SUN1: variants seen among roughly 807,000 people sequenced by gnomAD.
SUN1 encodes SUN domain-containing protein 1.
SUN1 carries 61 observed loss-of-function variants against 103.2 expected under a neutral mutation model. That is an observed-to-expected ratio of 0.59 (90% CI 0.48 to 0.73). The LOEUF (loss-of-function observed/expected upper bound fraction) is 0.73, where lower values mean the gene tolerates loss of function less well. Among genes scored for constraint, SUN1 ranks in the 30% least tolerant of loss-of-function variants. The pLI is 0.00. For missense variants in SUN1, 1,052 were observed against 1,034.6 expected, an observed-to-expected ratio of 1.02 and a Z score of -0.23; for synonymous variants, 490 against 425.7, an observed-to-expected ratio of 1.15 and a Z score of -1.86.
In SUN1 at chr7:874,871, G is replaced by A. The variant is rs1843475720; in HGVS notation, c.*1540G>A. On this transcript the variant is annotated 3_prime_UTR_variant, in exon 19 of 19. Coordinates refer to ENST00000401592, the MANE Select transcript of SUN1 (RefSeq NM_001130965.3). ...CAAATTGATAAGATGCTATTAAGAG[G>A]TTTAAATAAAGAGTTTTAATTTTTA... is the stretch of plus-strand genomic sequence containing the variant. 1 of 152,208 alleles carries A rather than the reference G, an allele frequency of 6.6e-6. No individual in the cohort carries two copies. Among genetic ancestry groups the A allele is most frequent in the African/African-American group, 2.4e-5 (1 of 41,452 alleles). The allele number at this position is 152,208 out of a possible 1,614,324, so 9.4% of individuals were successfully genotyped here.
chr7:864,189 G>A (rs1309460917), intron 15 of SUN1, among the ~76,000 whole-genome samples: 1 of 152,080 alleles, frequency 6.6e-6, no homozygotes, highest in African/African-American at 2.4e-5. Context: ...ATGAAAAATG[G>A]GGTACCCATC....
intron 16 of SUN1, among the ~76,000 whole-genome samples, chr7:867,987 G>C (rs1838380633): frequency 6.6e-6 from 1 of 152,242 alleles, no homozygotes; most frequent in Non-Finnish European, 1.5e-5. Flanking sequence ...GAGCTGGCAA[G>C]GGCTAGGCTT....
upstream of SUN1, chr7:831,020 C>T (rs533749427): frequency 1.9e-5 from 19 of 985,464 alleles, no homozygotes; most frequent in East Asian, 1.1e-4. Context: ...TGTCCTGTGC[C>T]GGGCTCCTCT....
In SUN1 at chr7:852,636, A is replaced by G. The variant is rs367784121; in HGVS notation, c.879A>G (p.Leu293=). The change falls in exon 8 of 19, where the codon TTA becomes TTG. Residue 293 remains leucine, a synonymous_variant. Coordinates refer to ENST00000401592, the MANE Select transcript of SUN1 (RefSeq NM_001130965.3). The stretch of plus-strand genomic sequence containing the variant: ...GCCTTCGAAACATCTGCAAGTTTTT[A>G]GTCTTGCTCATCCCACTCTTCCTTT... The part of the protein sequence containing the change: ...TRCLRNICKF[L]VLLIPLFLLL... The G allele has an allele frequency of 9.3e-6, 15 of 1,614,078 alleles. No homozygotes were observed. The highest frequency in any genetic ancestry group is 1.3e-5 in the Non-Finnish European group (15 of 1,180,046).
At chr7:827,705 A>T (rs1250458052), upstream of SUN1, among the ~76,000 whole-genome samples, 1 of 150,952 alleles carries the variant, frequency 6.6e-6, no homozygotes, top group Non-Finnish European at 1.5e-5. Flanking sequence ...TGACCTTGTG[A>T]TCCTCCCACC....
Position 852,857 on chromosome 7 carries a change from G to T in SUN1, c.958G>T (p.Val320Leu), listed in dbSNP as rs555876242. The change falls in exon 9 of 19, where the codon GTG (valine) becomes TTG (leucine). Residue 320 changes from valine (V) to leucine (L), a missense_variant. Val to Leu is a conservative substitution (Grantham distance 32). This residue lies in a region of SUN1 where 846 missense variants were observed against 774.5 expected (regional missense o/e 1.09). Transcript: ENST00000401592. The stretch of plus-strand genomic sequence containing the variant: ...GGGCAATTTCTTTTCGTTCTTGCCC[G>T]TGTTGAACTGGGCAAGCATGCATAG... Reference protein sequence around the residue: ...GQGNFFSFLPVLNWASMHRTQ... With the variant: ...GQGNFFSFLPLLNWASMHRTQ... 2 of 1,613,978 alleles carry T rather than the reference G, an allele frequency of 1.2e-6. No homozygotes were observed. The highest frequency in any genetic ancestry group is 1.1e-5 in the South Asian group (1 of 91,068).
rs202032136 is a variant in SUN1 at position 832,576 on chromosome 7, A to C, written c.52A>C (p.Asn18His). The C allele has an allele frequency of 6.2e-7, 1 of 1,612,666 alleles. No individual in the cohort carries two copies. Among genetic ancestry groups the C allele is most frequent in the African/African-American group, 1.3e-5 (1 of 75,006 alleles). Residue 18 changes from asparagine (N) to histidine (H), a missense_variant, in exon 1 of 19, where the codon AAC (asparagine) becomes CAC (histidine). Asn to His is a moderately conservative substitution (Grantham distance 68). Transcript: ENST00000401592. Reference sequence around the variant, plus strand: ...CAGTCCTCCCCAGTGTGTGCCGGAGAACACGGGCTACACGTATGCGCTCAG... The same window carrying C: ...CAGTCCTCCCCAGTGTGTGCCGGAGCACACGGGCTACACGTATGCGCTCAG... ...MYSPPQCVPE[N>H]TGYTYALSSS... is the part of the protein sequence containing the mutation.
At chr7:860,823 T>C (rs1333780585) in intron 14 of SUN1, among the ~76,000 whole-genome samples, 2 of 152,156 alleles carry the variant, frequency 1.3e-5, no homozygotes, top group Non-Finnish European at 2.9e-5. Flanking sequence ...CAAAGTCGTG[T>C]CTTATATGGC....
chr7:862,189 G>A (rs910472393), intron 15 of SUN1, among the ~76,000 whole-genome samples: 1 of 152,230 alleles, frequency 6.6e-6, no homozygotes, highest in Non-Finnish European at 1.5e-5. Context: ...TTTTTTAAAT[G>A]TAGGATTTGC....
chr7:861,544 C>T (rs926709555), intron 15 of SUN1, 80 bp downstream of exon 15: 35 of 1,403,096 alleles, frequency 2.5e-5, no homozygotes, highest in Non-Finnish European at 3.4e-5. Context: ...CTGTTGCCTA[C>T]CCCACTTCCA....
upstream of SUN1, among the ~76,000 whole-genome samples, chr7:830,302 G>A (rs1015683440): frequency 2.0e-5 from 3 of 152,200 alleles, no homozygotes; most frequent in African/African-American, 4.8e-5. Context: ...CCTGGGCTTC[G>A]GCGCTTGTCA....
At chr7:833,820 C>G (rs1460178616) in intron 1 of SUN1, among the ~76,000 whole-genome samples, 2 of 152,208 alleles carry the variant, frequency 1.3e-5, no homozygotes, top group African/African-American at 2.4e-5. Flanking sequence ...AACGGGCAGG[C>G]CAGCTCAGGG....
At chr7:837,688 C>T (rs1014182494) in intron 1 of SUN1, among the ~76,000 whole-genome samples, 2 of 152,252 alleles carry the variant, frequency 1.3e-5, no homozygotes, top group African/African-American at 2.4e-5. Flanking sequence ...TGCTTTAATA[C>T]GATAGCCTAC....
intron 1 of SUN1, among the ~76,000 whole-genome samples, chr7:825,089 T>G (rs976007859): frequency 5.9e-5 from 9 of 152,106 alleles, no homozygotes; most frequent in Admixed American, 2.6e-4. Context: ...GGCGGAGTCT[T>G]GCTCGGTCAC....
At chr7:832,375 C>T (rs766306198), upstream of SUN1, 29 of 764,592 alleles carry the variant, frequency 3.8e-5, no homozygotes, top group East Asian at 8.1e-5. Flanking sequence ...TGCTGCTGGC[C>T]GTGTTTCCTG....
intron 10 of SUN1, 56 bp from the exon 11 acceptor site, chr7:854,864 C>G (rs1247925951): frequency 7.2e-7 from 1 of 1,384,246 alleles, no homozygotes; most frequent in Non-Finnish European, 1.0e-6. Context: ...CCTGATTTGC[C>G]AGGTTTTTGT....
rs76580529 is a variant in SUN1 at position 842,327 on chromosome 7, A to T, written c.451+197A>T. ...AGTTAGGTTCCAGGCTTGTCCTCAGACTTGATCAGGACGCTCCTTGGAAGC... is the reference window on the plus strand; with the variant it reads ...AGTTAGGTTCCAGGCTTGTCCTCAGTCTTGATCAGGACGCTCCTTGGAAGC... On this transcript the variant is annotated intron_variant, in intron 3 of 18. Transcript: ENST00000401592. Among the ~76,000 whole-genome samples the T allele has an allele frequency of 7.4e-3, 1,133 of 152,206 alleles. 48 individuals carry two copies. In the East Asian group the frequency reaches 0.13, roughly 18 times the overall value.
Position 852,803 on chromosome 7 carries a change from C to G in SUN1, c.911-7C>G. ...CCTGTGTGTGTGTGGTGGCTCTTCT[C>G]TTTTAGCAGGTCTCTCCTTACGGGG... On this transcript the variant is annotated splice_region_variant and splice_polypyrimidine_tract_variant and intron_variant, in intron 8 of 18. Transcript: ENST00000401592. 1 of 1,611,310 alleles carries G rather than the reference C, an allele frequency of 6.2e-7. No individual in the cohort carries two copies.
At chr7:848,535 C>T (rs1453735783) in intron 5 of SUN1, 2 of 1,361,178 alleles carry the variant, frequency 1.5e-6, no homozygotes, top group South Asian at 1.2e-5. Flanking sequence ...AGTTATGAAT[C>T]AGAAAATTAC....
Sources: allele counts gnomAD v4.1 joint callset (sites outside exome capture counted in the v4.1 genomes callset), GRCh38; gene constraint gnomAD v4.1.1; regional missense constraint gnomAD v4.1.1; transcripts MANE v1.5; gene names NCBI Gene and HGNC (gene_info 2026-07-23, HGNC 2026-07-21).